Variants in DPY30 observed in about 807,000 individuals in gnomAD.
The protein encoded by DPY30 is protein dpy-30 homolog.
DPY30 carries 6 observed loss-of-function variants against 16.2 expected under a neutral mutation model. That is an observed-to-expected ratio of 0.37 (90% CI 0.20 to 0.73). The LOEUF is 0.73. DPY30 is among the 30% of genes least tolerant of loss of function. The pLI, the probability that DPY30 is intolerant of heterozygous loss-of-function variation, is 0.51. For synonymous variants in DPY30, 39 were observed against 38.8 expected, an observed-to-expected ratio of 1.00 and a Z score of -0.02; for missense variants, 73 against 113.1, an observed-to-expected ratio of 0.65 and a Z score of 1.61.
chr2:32,031,351 T>C (rs1326896175), intron 3 of DPY30, among the ~76,000 whole-genome samples: 3 of 141,542 alleles, frequency 2.1e-5, no homozygotes, highest in Non-Finnish European at 4.7e-5. Flanking sequence ...ACCTGGGAGG[T>C]GAAGGTTGCA....
chr2:32,029,671 A>C lies in DPY30; in HGVS notation c.150T>G (p.Ser50=), dbSNP rs1443230492. ...KSSKQKVDLQ[S]LPTRAYLDQT... ...GATCCAGGTAGGCACGAGTTGGCAAAGACTGGAGATCTACCTTCTGCTTTG... is the reference window on the plus strand; with the variant it reads ...GATCCAGGTAGGCACGAGTTGGCAACGACTGGAGATCTACCTTCTGCTTTG... Residue 50 remains serine (S), a synonymous_variant, in exon 4 of 5, where the codon TCT becomes TCG. Coordinates refer to ENST00000342166, the MANE Select transcript of DPY30 (RefSeq NM_001321209.2). 1 of 1,614,150 alleles carries C rather than the reference A, an allele frequency of 6.2e-7. No homozygotes were observed. Among genetic ancestry groups the C allele is most frequent in the Non-Finnish European group, 8.5e-7 (1 of 1,180,020 alleles).
In DPY30 at chr2:32,029,542, G is replaced by C. The variant is rs534423686; in HGVS notation, c.227+52C>G. 6.3e-5 allele frequency: 101 copies of C among 1,594,450 alleles called. No individual in the cohort carries two copies. In the African/African-American group the frequency reaches 1.1e-3, roughly 17 times the overall value. On this transcript the variant is annotated intron_variant, in intron 4 of 4. Transcript: ENST00000342166. ...CATAACTATGATATTTCAGATAGGG[G>C]AATCTATTTTGCTTTCTTTACTAAC... is the stretch of plus-strand genomic sequence containing the variant.
In DPY30 at chr2:32,036,842, C is replaced by T. The variant is rs561513773; in HGVS notation, c.84+2437G>A. On this transcript the variant is annotated intron_variant, in intron 3 of 4. Coordinates refer to ENST00000342166, the MANE Select transcript of DPY30 (RefSeq NM_001321209.2). ...CGAGATTGCACCACTGCACTCCAGC[C>T]TGGGAGACAGAGCGAGACTCTGTTT... is the stretch of plus-strand genomic sequence containing the variant. Among the ~76,000 whole-genome samples the T allele has an allele frequency of 4.1e-4, 62 of 151,934 alleles. 1 individual carries two copies. The highest frequency in any genetic ancestry group is 8.4e-4 in the South Asian group (4 of 4,790).
At chr2:32,037,053 C>T (rs1675770501) in intron 3 of DPY30, among the ~76,000 whole-genome samples, 1 of 152,178 alleles carries the variant, frequency 6.6e-6, no homozygotes, top group Non-Finnish European at 1.5e-5. Context: ...AAATCTACAA[C>T]TGGCAAAATA....
At chr2:32,012,978 T>C (rs1674998367) in intron 5 of DPY30, 1 of 152,146 alleles carries the variant, frequency 6.6e-6, no homozygotes, top group Admixed American at 6.6e-5. Flanking sequence ...GGGGATTGGA[T>C]ACAATTAAAC....
intron 3 of DPY30, among the ~76,000 whole-genome samples, chr2:32,034,602 T>C (rs532751861): frequency 2.0e-5 from 3 of 152,190 alleles, no homozygotes; most frequent in Admixed American, 2.0e-4. Flanking sequence ...CAACATGAGA[T>C]TTGGAAGGGA....
rs569881022 is a variant in DPY30, at chr2:32,023,949, T to G, written c.*235A>C. 2.2e-6 allele frequency: 3 copies of G among 1,392,820 alleles called. No homozygotes were observed. The East Asian group carries it at 8.8e-5, about 41-fold the overall frequency. 86.3% of individuals were successfully genotyped at this position (1,392,820 alleles called of 1,614,324 possible). ...TTTGAAGGTCATTTTAAAAACAAAGTTAAAGACAATCTGAGAAAAAAATTG... is the reference window on the plus strand; with the variant it reads ...TTTGAAGGTCATTTTAAAAACAAAGGTAAAGACAATCTGAGAAAAAAATTG... On this transcript the variant is annotated 3_prime_UTR_variant, in exon 5 of 5. Transcript: ENST00000342166.
In DPY30 at chr2:32,025,823, T is replaced by C. The variant is rs180839896; in HGVS notation, c.228-1567A>G. Among the ~76,000 whole-genome samples, 621 of 150,460 alleles carry C rather than the reference T, an allele frequency of 4.1e-3. 9 individuals carry two copies. The highest frequency in any genetic ancestry group is 0.015 in the African/African-American group (610 of 40,970). On this transcript the variant is annotated intron_variant, in intron 4 of 4. Coordinates refer to ENST00000342166, the MANE Select transcript of DPY30 (RefSeq NM_001321209.2). ...GGGGAAAAAAAAAACAACACCGTAC[T>C]TGGGCCGGGCACGGTGGCTCACGCT...
At chr2:32,019,443 G>A (rs1032143276), downstream of DPY30, among the ~76,000 whole-genome samples, 6 of 152,210 alleles carry the variant, frequency 3.9e-5, no homozygotes, top group South Asian at 1.2e-3. Flanking sequence ...AGCCGAGGAG[G>A]CAGATTTCAG....
At chr2:32,027,979 CATAA>C (rs1418232284) in intron 4 of DPY30, among the ~76,000 whole-genome samples, 1 of 151,948 alleles carries the variant, frequency 6.6e-6, no homozygotes, top group Non-Finnish European at 1.5e-5. Flanking sequence ...ATAGCTCAGT[CATAA>C]ATAAATGGTA....
At chr2:32,018,182 A>T (rs962469683) in intron 5 of DPY30, among the ~76,000 whole-genome samples, 36 of 151,670 alleles carry the variant, frequency 2.4e-4, no homozygotes, top group Admixed American at 9.2e-4. Context: ...AGACTCAATT[A>T]AAAAAAAACT....
At chr2:32,011,693 A>C (rs563135332), downstream of DPY30, among the ~76,000 whole-genome samples, 2 of 152,356 alleles carry the variant, frequency 1.3e-5, no homozygotes, top group Admixed American at 6.5e-5. Flanking sequence ...ACACCATTGC[A>C]AAAGTAGGAA....
rs1675242872 is a variant in DPY30, at chr2:32,023,957, A to G, written c.*227T>C. The G allele has an allele frequency of 7.1e-7, 1 of 1,404,894 alleles. No homozygotes were observed. Among genetic ancestry groups the G allele is most frequent in the African/African-American group, 1.5e-5 (1 of 68,942 alleles). The allele number at this position is 1,404,894 out of a possible 1,614,324, so 87.0% of individuals were successfully genotyped here. ...TCATTTTAAAAACAAAGTTAAAGAC[A>G]ATCTGAGAAAAAAATTGCACAGAAT... On this transcript the variant is annotated 3_prime_UTR_variant, in exon 5 of 5. Coordinates refer to ENST00000342166, the MANE Select transcript of DPY30 (RefSeq NM_001321209.2).
At chr2:32,013,903 G>A (rs1443434102) in intron 5 of DPY30, among the ~76,000 whole-genome samples, 1 of 152,142 alleles carries the variant, frequency 6.6e-6, no homozygotes, top group Non-Finnish European at 1.5e-5. Flanking sequence ...AGCAACTCGG[G>A]AGGCTGAGGC....
chr2:32,012,516 C>T (rs1457264580), intron 5 of DPY30, among the ~76,000 whole-genome samples: 1 of 149,116 alleles, frequency 6.7e-6, no homozygotes, highest in Non-Finnish European at 1.5e-5. Context: ...CTGCAACCTC[C>T]GCCTCCCGAG....
intron 4 of DPY30, among the ~76,000 whole-genome samples, chr2:32,025,456 C>T (rs1209272968): frequency 6.6e-6 from 1 of 151,668 alleles, no homozygotes; most frequent in Non-Finnish European, 1.5e-5. Flanking sequence ...GAGCAAGATT[C>T]CGTCTCAAAA....
rs141119899 is a variant in DPY30 at position 32,012,635 on chromosome 2, A to G, written n.378-583T>C. 1.8e-3 allele frequency among the ~76,000 whole-genome samples: 276 copies of G among 151,948 alleles called. 2 individuals are homozygous for G. Among genetic ancestry groups the G allele is most frequent in the African/African-American group, 6.4e-3 (267 of 41,456 alleles). On this transcript the variant is annotated intron_variant and non_coding_transcript_variant, in intron 5 of 5. Coordinates refer to the DPY30 transcript ENST00000414013. Reference sequence around the variant, plus strand: ...GTATTTTTAGTAGAGACAGGGTTTCACCATGTTGGCCAGGGTGGTCTTGAA... The same window carrying G: ...GTATTTTTAGTAGAGACAGGGTTTCGCCATGTTGGCCAGGGTGGTCTTGAA...
chr2:32,023,944 CAAAGTT>C lies in DPY30; in HGVS notation c.*234_*239del, dbSNP rs1328330797. ...TTTATTTTGAAGGTCATTTTAAAAA[CAAAGTT>C]AAAGACAATCTGAGAAAAAAATTGC... On this transcript the variant is annotated 3_prime_UTR_variant, in exon 5 of 5. Coordinates refer to ENST00000342166, the MANE Select transcript of DPY30 (RefSeq NM_001321209.2). 19 of 1,384,758 alleles carry C rather than the reference CAAAGTT, an allele frequency of 1.4e-5. No homozygotes were observed. Among genetic ancestry groups the C allele is most frequent in the Non-Finnish European group, 1.7e-5 (18 of 1,066,468 alleles). 85.8% of individuals were successfully genotyped at this position (1,384,758 alleles called of 1,614,324 possible).
At chr2:32,029,367 A>G (rs999941517) in intron 4 of DPY30, among the ~76,000 whole-genome samples, 1 of 152,226 alleles carries the variant, frequency 6.6e-6, no homozygotes, top group Non-Finnish European at 1.5e-5. Context: ...AATCAAAATT[A>G]CATGTATATC....
Sources: gnomAD v4.1 joint callset for allele counts (sites outside exome capture counted in the v4.1 genomes callset) on GRCh38, gnomAD v4.1.1 for gene constraint, MANE v1.5 for transcripts, NCBI Gene and HGNC (gene_info 2026-07-23, HGNC 2026-07-21) for gene names.